HORMAD2: variants seen among roughly 807,000 people sequenced by gnomAD.
The protein encoded by HORMAD2 is HORMA domain containing 2.
HORMAD2 carries 45 observed loss-of-function variants against 38.8 expected under a neutral mutation model. The observed-to-expected ratio is 1.16, with a 90% CI of 0.91 to 1.49. HORMAD2 has a LOEUF of 1.49. HORMAD2 is among the 40% of genes most tolerant of loss of function. The probability of loss-of-function intolerance (pLI) is 0.00; values close to 1 mark genes in which losing one functional copy is unlikely to be tolerated. For missense variants in HORMAD2, 338 were observed against 367.0 expected, an observed-to-expected ratio of 0.92 and a Z score of 0.65; for synonymous variants, 126 against 122.8, an observed-to-expected ratio of 1.03 and a Z score of -0.17.
At chr22:30,158,028 C>T (rs947024328) in intron 10 of HORMAD2, among the ~76,000 whole-genome samples, 3 of 151,698 alleles carry the variant, frequency 2.0e-5, no homozygotes, top group Non-Finnish European at 2.9e-5. Context: ...TCCATGTGAA[C>T]CTGTTAGATT....
chr22:30,117,457 A>G (rs916611269), intron 7 of HORMAD2, among the ~76,000 whole-genome samples: 1 of 113,798 alleles, frequency 8.8e-6, no homozygotes, highest in South Asian at 3.4e-4. Context: ...TAATTTAGTT[A>G]TTTTATTTAT....
At chr22:30,090,508 T>C (rs1349769776) in intron 1 of HORMAD2, among the ~76,000 whole-genome samples, 1 of 152,238 alleles carries the variant, frequency 6.6e-6, no homozygotes, top group Non-Finnish European at 1.5e-5. Flanking sequence ...TGAGCATTGG[T>C]GTACAAGTAT....
At chr22:30,146,013 A>G (rs1924390782) in intron 10 of HORMAD2, among the ~76,000 whole-genome samples, 2 of 152,200 alleles carry the variant, frequency 1.3e-5, no homozygotes, top group Non-Finnish European at 2.9e-5. Context: ...CCAGCAATAT[A>G]TGGAAAGGAT....
chr22:30,158,504 CTTCT>C (rs1296978704), intron 10 of HORMAD2, among the ~76,000 whole-genome samples: 8 of 142,942 alleles, frequency 5.6e-5, no homozygotes, highest in African/African-American at 2.2e-4. Flanking sequence ...TCTTTCTTTC[CTTCT>C]TTCTTTTTCT....
At chr22:30,131,271 G>A (rs1490074070) in intron 10 of HORMAD2, among the ~76,000 whole-genome samples, 1 of 152,212 alleles carries the variant, frequency 6.6e-6, no homozygotes, top group Admixed American at 6.5e-5. Context: ...GAGGGCTAAT[G>A]TTGGCCCAGG....
Position 30,086,588 on chromosome 22 carries a change from T to TATTTCA in HORMAD2, c.-38+6100_-38+6105dup, listed in dbSNP as rs1400957003. 2.0e-5 allele frequency among the ~76,000 whole-genome samples: 3 copies of TATTTCA among 152,192 alleles called. No homozygotes were observed. The East Asian group carries it at 5.8e-4, about 29-fold the overall frequency. On this transcript the variant is annotated intron_variant, in intron 1 of 10. Transcript: ENST00000336726. ...TGAGAGTAGTGGGGAGCCATTGAAGTATTTCAATCTGGGAAAATGCATAGT... is the reference window on the plus strand; with the variant it reads ...TGAGAGTAGTGGGGAGCCATTGAAGTATTTCAATTTCAATCTGGGAAAATGCATAGT...
the HORMAD2 span, among the ~76,000 whole-genome samples, chr22:30,200,717 A>C: frequency 8.5e-5 from 12 of 140,438 alleles, no homozygotes; most frequent in African/African-American, 2.6e-4. Context: ...GAGTGGCTTA[A>C]AAACAACAGA....
intron 5 of HORMAD2, among the ~76,000 whole-genome samples, chr22:30,106,932 A>G (rs1362405842): frequency 2.0e-5 from 3 of 152,250 alleles, no homozygotes; most frequent in Non-Finnish European, 4.4e-5. Flanking sequence ...TTTCTGATGT[A>G]AGAATTTGCA....
rs370479389 is a variant in HORMAD2 at position 30,155,385 on chromosome 22, T to A, written c.820-20678T>A. ...CATGGGTCTTTATTTTATCTGTTAC[T>A]ATCATTATTTATTTTGATGCTCATA... On this transcript the variant is annotated intron_variant, in intron 10 of 10. Coordinates refer to ENST00000336726, the MANE Select transcript of HORMAD2 (RefSeq NM_152510.4). Among the ~76,000 whole-genome samples the A allele has an allele frequency of 1.6e-4, 25 of 152,318 alleles. No individual in the cohort carries two copies. The South Asian group carries it at 2.9e-3, about 18-fold the overall frequency.
the HORMAD2 span, among the ~76,000 whole-genome samples, chr22:30,183,128 A>T: frequency 6.6e-6 from 1 of 152,252 alleles, no homozygotes. Flanking sequence ...GGGAGTGAGC[A>T]TGGGTACGCC....
chr22:30,106,808 T>C (rs1201358344), intron 5 of HORMAD2, among the ~76,000 whole-genome samples: 2 of 152,234 alleles, frequency 1.3e-5, no homozygotes, highest in East Asian at 1.9e-4. Context: ...TTGTTAAGGA[T>C]ATTTGATAAT....
chr22:30,129,139 A>C (rs1456045693), intron 10 of HORMAD2, among the ~76,000 whole-genome samples: 1 of 146,618 alleles, frequency 6.8e-6, no homozygotes, highest in Non-Finnish European at 1.5e-5. Flanking sequence ...AATGGCAAAA[A>C]CCCGGGAGGT....
intron 1 of HORMAD2, among the ~76,000 whole-genome samples, chr22:30,085,031 AGCTACTCGGGAG>A (rs2068546420): frequency 6.6e-6 from 1 of 151,924 alleles, no homozygotes; most frequent in African/African-American, 2.4e-5. Flanking sequence ...CTGTAGTCCC[AGCTACTCGGGAG>A]GCTGAGGCAG....
At chr22:30,196,865 G>A in the HORMAD2 span, among the ~76,000 whole-genome samples, 1 of 152,190 alleles carries the variant, frequency 6.6e-6, no homozygotes, top group Non-Finnish European at 1.5e-5. Context: ...CATTGCATCA[G>A]GGGACTTTTA....
At chr22:30,121,596 T>G (rs754008557) in intron 8 of HORMAD2, 36 bp from the exon 9 acceptor site, 1 of 1,517,416 alleles carries the variant, frequency 6.6e-7, no homozygotes, top group South Asian at 1.3e-5. Flanking sequence ...GCCACTATTG[T>G]ATATGATCAA....
intron 1 of HORMAD2, among the ~76,000 whole-genome samples, chr22:30,087,587 T>C (rs947658102): frequency 6.6e-6 from 1 of 152,128 alleles, no homozygotes; most frequent in Non-Finnish European, 1.5e-5. Context: ...TGGCTCACAG[T>C]TCCACAGGCT....
At chr22:30,079,428 G>T (rs1276717452), upstream of HORMAD2, among the ~76,000 whole-genome samples, 1 of 152,216 alleles carries the variant, frequency 6.6e-6, no homozygotes. Flanking sequence ...CAGGTCCAGG[G>T]TAGGGATGAA....
chr22:30,206,391 C>T, the HORMAD2 span, among the ~76,000 whole-genome samples: 1 of 152,198 alleles, frequency 6.6e-6, no homozygotes, highest in Non-Finnish European at 1.5e-5. Context: ...AACTCCTGAC[C>T]TCGTGATCCA....
chr22:30,148,313 A>G (rs562713850), intron 10 of HORMAD2, among the ~76,000 whole-genome samples: 1 of 152,224 alleles, frequency 6.6e-6, no homozygotes, highest in Non-Finnish European at 1.5e-5. Flanking sequence ...CATTTACATG[A>G]AAATCTGGAG....
Sources: gnomAD v4.1 joint callset for allele counts (sites outside exome capture counted in the v4.1 genomes callset) on GRCh38, gnomAD v4.1.1 for gene constraint, MANE v1.5 for transcripts, NCBI Gene and HGNC (gene_info 2026-07-23, HGNC 2026-07-21) for gene names.